YAP1: variants seen among roughly 807,000 people sequenced by gnomAD.
YAP1 encodes Yes1 associated transcriptional regulator.
In YAP1, 5 loss-of-function variants were observed where a neutral mutation model predicts 56.9. That is an observed-to-expected ratio of 0.09 (90% confidence interval 0.05 to 0.18). The LOEUF is 0.18. YAP1 is among the 10% of genes least tolerant of loss of function. YAP1 has a pLI of 1.00. For synonymous variants in YAP1, 265 were observed against 248.1 expected (o/e 1.07, Z -0.64); for missense variants, 539 against 651.8 (o/e 0.83, Z 1.88).
chr11:102,114,478 TATC>T (rs1252872228), intron 2 of YAP1, 84 bp downstream of exon 2: 8 of 1,445,118 alleles, frequency 5.5e-6, no homozygotes, highest in Non-Finnish European at 7.4e-6. Flanking sequence ...AGATACAGAA[TATC>T]ATTTATTTTT....
chr11:102,226,864 G>A (rs1230047719), intron 7 of YAP1: 1 of 152,230 alleles, frequency 6.6e-6, no homozygotes, highest in Non-Finnish European at 1.5e-5. Flanking sequence ...CAAGCCACGA[G>A]TATTCTTATC....
intron 4 of YAP1, among the ~76,000 whole-genome samples, chr11:102,188,971 G>T (rs749107301): frequency 9.2e-5 from 14 of 152,084 alleles, no homozygotes; most frequent in Middle Eastern, 3.4e-3. Context: ...TAATTTTAGA[G>T]AATTCATTAG....
intron 6 of YAP1, among the ~76,000 whole-genome samples, chr11:102,215,875 G>A (rs937185216): frequency 6.6e-6 from 1 of 152,164 alleles, no homozygotes; most frequent in Non-Finnish European, 1.5e-5. Flanking sequence ...AGTAGACATG[G>A]GATAGGGAAA....
intron 8 of YAP1, among the ~76,000 whole-genome samples, chr11:102,228,838 G>C (rs780103229): frequency 6.6e-6 from 1 of 151,922 alleles, no homozygotes; most frequent in Non-Finnish European, 1.5e-5. Flanking sequence ...TTCACTAACT[G>C]CTTCTATTCT....
intron 7 of YAP1, among the ~76,000 whole-genome samples, chr11:102,226,738 T>C (rs553365929): frequency 1.7e-4 from 26 of 152,332 alleles, no homozygotes; most frequent in African/African-American, 6.3e-4. Flanking sequence ...GGATGTGCCT[T>C]GCAGTTTTTT....
intron 2 of YAP1, among the ~76,000 whole-genome samples, chr11:102,151,417 T>C (rs1211137705): frequency 1.3e-5 from 2 of 152,250 alleles, no homozygotes; most frequent in African/African-American, 2.4e-5. Context: ...TATTCAGCAT[T>C]GCCTTCAGAG....
chr11:102,188,909 GT>G (rs1318735921), intron 4 of YAP1, among the ~76,000 whole-genome samples: 3 of 151,026 alleles, frequency 2.0e-5, no homozygotes, highest in African/African-American at 7.2e-5. Context: ...TGTGGATTGG[GT>G]TTTTTAATGA....
intron 2 of YAP1, among the ~76,000 whole-genome samples, chr11:102,156,446 T>TA (rs1241789585): frequency 6.6e-6 from 1 of 152,214 alleles, no homozygotes; most frequent in African/African-American, 2.4e-5. Context: ...GAAAAACACT[T>TA]ACAGCAGACT....
chr11:102,121,780 G>C (rs1943668913), intron 2 of YAP1, among the ~76,000 whole-genome samples: 1 of 152,000 alleles, frequency 6.6e-6, no homozygotes. Context: ...CTTTTAATAA[G>C]GTATATTATT....
At chr11:102,189,828 G>A (rs183800029) in intron 4 of YAP1, among the ~76,000 whole-genome samples, 1 of 152,236 alleles carries the variant, frequency 6.6e-6, no homozygotes, top group African/African-American at 2.4e-5. Flanking sequence ...AAAGCCGAAG[G>A]TTGTTGAGAC....
At chr11:102,130,929 T>C (rs887265925) in intron 2 of YAP1, among the ~76,000 whole-genome samples, 2 of 152,038 alleles carry the variant, frequency 1.3e-5, no homozygotes, top group Non-Finnish European at 2.9e-5. Context: ...TCTCTTCTTA[T>C]GGGTGAGAAA....
intron 4 of YAP1, among the ~76,000 whole-genome samples, chr11:102,199,936 C>T (rs1948764955): frequency 1.3e-5 from 2 of 152,206 alleles, no homozygotes; most frequent in Non-Finnish European, 1.5e-5. Context: ...ATTATGTAGA[C>T]TATGTTTTTT....
rs191203741 is a variant in YAP1, at chr11:102,154,590, G to T, written c.573-7866G>T. ...GAAGAATGATGGGTGACTATTGCAA[G>T]AATTTTTGGCCATGATTGAAAGAAT... On this transcript the variant is annotated intron_variant, in intron 2 of 8. Coordinates refer to ENST00000282441, the MANE Select transcript of YAP1 (RefSeq NM_001130145.3). 3.6e-3 allele frequency among the ~76,000 whole-genome samples: 543 copies of T among 152,130 alleles called. 4 individuals carry two copies. Among genetic ancestry groups the T allele is most frequent in the Non-Finnish European group, 5.5e-3 (376 of 67,982 alleles).
At chr11:102,132,944 G>A (rs1030178570) in intron 2 of YAP1, among the ~76,000 whole-genome samples, 1 of 152,096 alleles carries the variant, frequency 6.6e-6, no homozygotes, top group Non-Finnish European at 1.5e-5. Flanking sequence ...GATCACCTGA[G>A]GTCAGGAGAT....
intron 3 of YAP1, among the ~76,000 whole-genome samples, chr11:102,165,800 G>A (rs114845920): frequency 0.025 from 3,733 of 152,232 alleles, 118 homozygotes; most frequent in African/African-American, 0.084. Flanking sequence ...CTGACAGAGC[G>A]AAGCCTCCGA....
chr11:102,148,429 C>CA (rs758522744), intron 2 of YAP1, among the ~76,000 whole-genome samples: 1 of 152,058 alleles, frequency 6.6e-6, no homozygotes, highest in Non-Finnish European at 1.5e-5. Context: ...CTGAAAAAAA[C>CA]AAGAGCTATG....
chr11:102,160,455 T>C (rs1233801739), intron 2 of YAP1, among the ~76,000 whole-genome samples: 4 of 152,226 alleles, frequency 2.6e-5, no homozygotes, highest in Non-Finnish European at 4.4e-5. Flanking sequence ...ATTATGTATA[T>C]TACATGTAGC....
intron 4 of YAP1, among the ~76,000 whole-genome samples, chr11:102,197,026 C>G (rs1484010071): frequency 1.3e-5 from 2 of 152,166 alleles, no homozygotes; most frequent in Non-Finnish European, 2.9e-5. Flanking sequence ...GCAGTAAACA[C>G]TTAGAGCCAG....
intron 2 of YAP1, among the ~76,000 whole-genome samples, chr11:102,143,010 A>G (rs1945106931): frequency 1.3e-5 from 2 of 152,132 alleles, no homozygotes; most frequent in African/African-American, 4.8e-5. Context: ...TGTTTTATAA[A>G]TTGGGGGCCT....
Sources: gnomAD v4.1 joint callset for allele counts (sites outside exome capture counted in the v4.1 genomes callset) on GRCh38, gnomAD v4.1.1 for gene constraint, MANE v1.5 for transcripts, NCBI Gene and HGNC (gene_info 2026-07-23, HGNC 2026-07-21) for gene names.